Variants in RIMS2 observed in about 807,000 individuals in gnomAD.
RIMS2 encodes the protein regulating synaptic membrane exocytosis 2, also known as regulating synaptic membrane exocytosis protein 2.
Under a neutral mutation model 174.4 loss-of-function variants are expected in RIMS2, and 59 were observed. The ratio of observed to expected loss-of-function variants is 0.34; its 90% CI spans 0.27 to 0.42. The LOEUF (loss-of-function observed/expected upper bound fraction) is 0.42. Ranked by LOEUF, RIMS2 falls within the 10% of genes least tolerant of loss-of-function variation. The pLI, the probability that RIMS2 is intolerant of heterozygous loss-of-function variation, is 1.00. For missense variants in RIMS2, 1,620 were observed against 1,666.3 expected (o/e 0.97, Z 0.48); for synonymous variants, 606 against 572.5 (o/e 1.06, Z -0.84).
At chr8:103,524,932 A>G (rs369073936) in intron 1 of RIMS2, among the ~76,000 whole-genome samples, 2 of 152,352 alleles carry the variant, frequency 1.3e-5, no homozygotes, top group East Asian at 3.9e-4. Flanking sequence ...AGAAAATAAA[A>G]TGATCTACCT....
chr8:103,746,704 G>A (rs911776270), intron 2 of RIMS2, among the ~76,000 whole-genome samples: 2 of 150,852 alleles, frequency 1.3e-5, no homozygotes, highest in African/African-American at 2.4e-5. Flanking sequence ...TTTTTGAGAC[G>A]GAGTCTTGCT....
At chr8:104,107,970 C>CG (rs1393876883) in intron 19 of RIMS2, among the ~76,000 whole-genome samples, 9 of 149,508 alleles carry the variant, frequency 6.0e-5, no homozygotes, top group South Asian at 4.4e-4. Context: ...TTCCCCTGCC[C>CG]CCCCCCCACA....
chr8:103,567,101 T>A (rs1445598507), intron 1 of RIMS2, among the ~76,000 whole-genome samples: 1 of 152,362 alleles, frequency 6.6e-6, no homozygotes, highest in Non-Finnish European at 1.5e-5. Flanking sequence ...CTTTTATGAC[T>A]ACTTTCACTT....
At chr8:103,663,392 G>C (rs1002711057) in intron 1 of RIMS2, among the ~76,000 whole-genome samples, 1 of 152,070 alleles carries the variant, frequency 6.6e-6, no homozygotes, top group African/African-American at 2.4e-5. Context: ...AAACCCCATC[G>C]TGTCAGCCCC....
intron 3 of RIMS2, among the ~76,000 whole-genome samples, chr8:103,807,344 A>AGAATTGTC (rs1312796394): frequency 3.3e-5 from 5 of 152,206 alleles, no homozygotes; most frequent in South Asian, 2.1e-4. Flanking sequence ...AAAAGAACAG[A>AGAATTGTC]GAATTGTCTG....
chr8:104,051,766 A>G (rs1205290321), intron 19 of RIMS2, among the ~76,000 whole-genome samples: 1 of 152,206 alleles, frequency 6.6e-6, no homozygotes, highest in Non-Finnish European at 1.5e-5. Flanking sequence ...TACTAGTTAT[A>G]TGACCTTGTG....
intron 1 of RIMS2, among the ~76,000 whole-genome samples, chr8:103,547,314 C>G (rs1563727774): frequency 1.3e-5 from 2 of 151,850 alleles, no homozygotes; most frequent in Non-Finnish European, 2.9e-5. Flanking sequence ...TGGCTTTCAA[C>G]AAATGTTGAA....
At chr8:103,558,485 A>C (rs1328790706) in intron 1 of RIMS2, among the ~76,000 whole-genome samples, 2 of 152,140 alleles carry the variant, frequency 1.3e-5, no homozygotes, top group African/African-American at 4.8e-5. Context: ...CGGCCTCCCA[A>C]AGTATTGGGA....
At chr8:103,931,130 C>A in intron 11 of RIMS2, 133 bp from the exon 14 acceptor site, 1 of 578,514 alleles carries the variant, frequency 1.7e-6, no homozygotes, top group Non-Finnish European at 2.9e-6. Context: ...TTTTAACTAG[C>A]CACAATTTAC....
intron 1 of RIMS2, among the ~76,000 whole-genome samples, chr8:103,672,137 T>C (rs2096752365): frequency 6.6e-6 from 1 of 151,996 alleles, no homozygotes; most frequent in Non-Finnish European, 1.5e-5. Context: ...GTTTTCAGTT[T>C]TCCAAACAAT....
intron 3 of RIMS2, among the ~76,000 whole-genome samples, chr8:103,788,105 T>C (rs1343565041): frequency 6.6e-6 from 1 of 150,780 alleles, no homozygotes; most frequent in Non-Finnish European, 1.5e-5. Context: ...TTCTCGAGCC[T>C]TGGTTTTCAG....
At chr8:103,798,894 C>T (rs147856030) in intron 3 of RIMS2, among the ~76,000 whole-genome samples, 3 of 150,320 alleles carry the variant, frequency 2.0e-5, no homozygotes, top group Non-Finnish European at 4.4e-5. Flanking sequence ...TCTAATCACA[C>T]GAAGCCTTAA....
chr8:103,828,993 A>G (rs980715298), intron 3 of RIMS2, among the ~76,000 whole-genome samples: 4 of 150,740 alleles, frequency 2.7e-5, no homozygotes, highest in African/African-American at 9.8e-5. Context: ...TCAAAGTTGG[A>G]TACTGTGATG....
intron 1 of RIMS2, among the ~76,000 whole-genome samples, chr8:103,623,548 G>A (rs537182413): frequency 0.01 from 1,427 of 140,404 alleles, 25 homozygotes; most frequent in African/African-American, 0.035. Context: ...GCAGTGGCGC[G>A]ATCTCGGCTC....
chr8:103,866,417 T>A (rs2099084638), intron 3 of RIMS2, among the ~76,000 whole-genome samples: 1 of 152,166 alleles, frequency 6.6e-6, no homozygotes, highest in Non-Finnish European at 1.5e-5. Flanking sequence ...GTCTTCAGAA[T>A]AAATCTTTGT....
chr8:104,123,716 T>C (rs2098404618), intron 19 of RIMS2, among the ~76,000 whole-genome samples: 1 of 151,816 alleles, frequency 6.6e-6, no homozygotes, highest in African/African-American at 2.4e-5. Context: ...ATAGGCCCGA[T>C]AATGCTTTAA....
intron 1 of RIMS2, among the ~76,000 whole-genome samples, chr8:103,547,684 A>G (rs888158301): frequency 6.6e-6 from 1 of 152,186 alleles, no homozygotes; most frequent in Non-Finnish European, 1.5e-5. Context: ...GGAAATTGAG[A>G]TACACACAAA....
chr8:104,061,631 T>C (rs1192883243), intron 19 of RIMS2, among the ~76,000 whole-genome samples: 1 of 149,174 alleles, frequency 6.7e-6, no homozygotes, highest in African/African-American at 2.4e-5. Flanking sequence ...TATATTTTTA[T>C]AAATATATAT....
At chr8:104,223,623 A>G (rs2099167133) in intron 19 of RIMS2, 2 of 1,580,278 alleles carry the variant, frequency 1.3e-6, no homozygotes, top group Non-Finnish European at 1.7e-6. Context: ...CGTATCTTGT[A>G]CCGCGGGAAA....
Sources: allele counts gnomAD v4.1 joint callset (sites outside exome capture counted in the v4.1 genomes callset), GRCh38; gene constraint gnomAD v4.1.1; transcripts MANE v1.5; gene names NCBI Gene and HGNC (gene_info 2026-07-23, HGNC 2026-07-21).